Variants in FHIT observed in about 807,000 individuals in gnomAD.
FHIT encodes fragile histidine triad diadenosine triphosphatase.
Under a neutral mutation model 17.9 loss-of-function variants are expected in FHIT, and 19 were observed. That is an observed-to-expected ratio of 1.06 (90% CI 0.74 to 1.56). The LOEUF (loss-of-function observed/expected upper bound fraction) is 1.56. Among genes scored for constraint, FHIT ranks in the 40% most tolerant of loss-of-function variants. The pLI, the probability that FHIT is intolerant of heterozygous loss-of-function variation, is 0.00. For synonymous variants in FHIT, 81 were observed against 69.7 expected (o/e 1.16, Z -0.81); for missense variants, 248 against 189.2 (o/e 1.31, Z -1.82).
At chr3:60,634,707 G>A (rs182875738) in intron 4 of FHIT, among the ~76,000 whole-genome samples, 3 of 152,314 alleles carry the variant, frequency 2.0e-5, no homozygotes, top group East Asian at 3.9e-4. Context: ...ATGAGAAAGA[G>A]GAGAAGAAGT....
At chr3:60,654,613 T>G (rs1470384348) in intron 4 of FHIT, among the ~76,000 whole-genome samples, 1 of 152,104 alleles carries the variant, frequency 6.6e-6, no homozygotes, top group Non-Finnish European at 1.5e-5. Context: ...AAATATATAT[T>G]ACAGAAACTA....
intron 7 of FHIT, among the ~76,000 whole-genome samples, chr3:59,947,150 T>C (rs1305498722): frequency 6.6e-6 from 1 of 152,210 alleles, no homozygotes; most frequent in Non-Finnish European, 1.5e-5. Context: ...CCGTGGCTTT[T>C]TCTAGTTGTT....
At chr3:60,506,389 T>C (rs540959665) in intron 5 of FHIT, among the ~76,000 whole-genome samples, 1 of 152,300 alleles carries the variant, frequency 6.6e-6, no homozygotes, top group South Asian at 2.1e-4. Flanking sequence ...ATATTATCTA[T>C]ATTACAGAGA....
At position 59,945,362 on chromosome 3, in the gene FHIT, A is replaced by G. The variant is rs1706747389; in HGVS notation, c.280-22948T>C. Among the ~76,000 whole-genome samples, 5 of 152,058 alleles carry G rather than the reference A, an allele frequency of 3.3e-5. No homozygotes were observed. The South Asian group carries it at 1.0e-3, about 32-fold the overall frequency. ...TGTTCATGTCCTTTGCCAACTTTTA[A>G]ATAGGGTTGTTTTTGCTTGTTAATT... On this transcript the variant is annotated intron_variant, in intron 7 of 9. Transcript: ENST00000492590.
At position 60,012,774 on chromosome 3, in the gene FHIT, G is replaced by A. The variant is rs112840479; in HGVS notation, c.249+1233C>T. 1.2e-3 allele frequency among the ~76,000 whole-genome samples: 190 copies of A among 152,226 alleles called. 2 individuals carry two copies. Among genetic ancestry groups the A allele is most frequent in the African/African-American group, 4.1e-3 (170 of 41,546 alleles). On this transcript the variant is annotated intron_variant, in intron 6 of 9. Transcript: ENST00000492590. ...AATAGTTTGACCACATTGCATATAC[G>A]AAAGTACTCTAGGTGCTAACACAAG...
At chr3:61,216,634 C>T (rs991395821) in intron 1 of FHIT, among the ~76,000 whole-genome samples, 1 of 152,132 alleles carries the variant, frequency 6.6e-6, no homozygotes, top group African/African-American at 2.4e-5. Flanking sequence ...CCCAGCCATG[C>T]CATTACTGCG....
At chr3:61,137,185 A>G (rs1362405559) in intron 2 of FHIT, among the ~76,000 whole-genome samples, 1 of 150,576 alleles carries the variant, frequency 6.6e-6, no homozygotes, top group Non-Finnish European at 1.5e-5. Context: ...CCAGTTTTAT[A>G]TCATATCCCT....
intron 4 of FHIT, among the ~76,000 whole-genome samples, chr3:60,574,057 G>A (rs539554396): frequency 9.9e-5 from 15 of 152,112 alleles, no homozygotes; most frequent in South Asian, 8.3e-4. Flanking sequence ...CGATCCACCC[G>A]CCTCAGCCTC....
At chr3:60,728,806 G>A (rs782715517) in intron 4 of FHIT, among the ~76,000 whole-genome samples, 2 of 151,828 alleles carry the variant, frequency 1.3e-5, no homozygotes, top group Non-Finnish European at 2.9e-5. Context: ...CTCACCCAAG[G>A]TTGCTTATCC....
intron 3 of FHIT, among the ~76,000 whole-genome samples, chr3:60,880,601 A>G (rs1246505135): frequency 3.9e-5 from 6 of 152,168 alleles, no homozygotes; most frequent in African/African-American, 1.4e-4. Flanking sequence ...GTGTGGTGGC[A>G]CATGCCTGTA....
intron 3 of FHIT, among the ~76,000 whole-genome samples, chr3:60,943,130 T>A (rs1708490799): frequency 1.3e-5 from 2 of 152,156 alleles, no homozygotes. Flanking sequence ...TAACCGGTTA[T>A]GTGGTTTAAA....
At chr3:60,890,133 G>A (rs138479123) in intron 3 of FHIT, among the ~76,000 whole-genome samples, 2 of 150,074 alleles carry the variant, frequency 1.3e-5, no homozygotes, top group East Asian at 3.9e-4. Flanking sequence ...TGAGTGCACA[G>A]ATGTCACAGT....
At chr3:60,404,714 T>C (rs552981233) in intron 5 of FHIT, among the ~76,000 whole-genome samples, 4 of 152,272 alleles carry the variant, frequency 2.6e-5, no homozygotes, top group African/African-American at 9.6e-5. Context: ...ACTGAAAGAA[T>C]AGCCTTTGGA....
At chr3:60,776,688 A>C (rs1553724539) in intron 4 of FHIT, among the ~76,000 whole-genome samples, 1 of 152,234 alleles carries the variant, frequency 6.6e-6, no homozygotes, top group African/African-American at 2.4e-5. Flanking sequence ...CAACTTAACA[A>C]GTTTTAGTTT....
intron 5 of FHIT, among the ~76,000 whole-genome samples, chr3:60,478,470 T>C (rs1275250527): frequency 2.0e-5 from 3 of 152,194 alleles, no homozygotes; most frequent in Non-Finnish European, 4.4e-5. Flanking sequence ...ACTATGATTA[T>C]GTCATTTCTT....
Position 60,079,995 on chromosome 3 carries a change from T to C in FHIT, c.104-65843A>G, listed in dbSNP as rs535299205. Among the ~76,000 whole-genome samples, 3 of 152,314 alleles carry C rather than the reference T, an allele frequency of 2.0e-5. 1 individual carries two copies. The East Asian group carries it at 5.8e-4, about 29-fold the overall frequency. On this transcript the variant is annotated intron_variant, in intron 5 of 9. Coordinates refer to ENST00000492590, the MANE Select transcript of FHIT (RefSeq NM_002012.4). ...ATTATAAACTATCATTTACTGTCATTACTTTAATGATGTAGAATGTTGAAA... is the reference window on the plus strand; with the variant it reads ...ATTATAAACTATCATTTACTGTCATCACTTTAATGATGTAGAATGTTGAAA...
At chr3:59,873,436 T>C (rs1329173373) in intron 8 of FHIT, among the ~76,000 whole-genome samples, 2 of 152,212 alleles carry the variant, frequency 1.3e-5, no homozygotes, top group African/African-American at 4.8e-5. Flanking sequence ...GAATGGCCAA[T>C]TAACATAAAT....
At chr3:61,147,877 G>C (rs2037272139) in intron 2 of FHIT, among the ~76,000 whole-genome samples, 1 of 151,792 alleles carries the variant, frequency 6.6e-6, no homozygotes, top group Non-Finnish European at 1.5e-5. Flanking sequence ...AGCTACAATT[G>C]ACATTATCAT....
At chr3:60,297,371 C>A (rs1708258862) in intron 5 of FHIT, among the ~76,000 whole-genome samples, 1 of 151,922 alleles carries the variant, frequency 6.6e-6, no homozygotes, top group Non-Finnish European at 1.5e-5. Flanking sequence ...GATAGATTTT[C>A]ATGTATTTAT....
Sources: gnomAD v4.1 joint callset for allele counts (sites outside exome capture counted in the v4.1 genomes callset) on GRCh38, gnomAD v4.1.1 for gene constraint, MANE v1.5 for transcripts, NCBI Gene and HGNC (gene_info 2026-07-23, HGNC 2026-07-21) for gene names.